Variants in LOXHD1 observed in about 807,000 individuals in gnomAD.
The protein encoded by LOXHD1 is lipoxygenase homology PLAT domains 1, also known as lipoxygenase homology domain-containing protein 1.
In LOXHD1, 205 loss-of-function variants were observed where a neutral mutation model predicts 248.2. The observed-to-expected ratio is 0.83, with a 90% CI of 0.74 to 0.93. LOXHD1 has a LOEUF of 0.93. Ranked by LOEUF, LOXHD1 falls within the 40% of genes least tolerant of loss-of-function variation. LOXHD1 has a pLI of 0.00. For synonymous variants in LOXHD1, 1,113 were observed against 1,162.8 expected, an observed-to-expected ratio of 0.96 and a Z score of 0.87; for missense variants, 2,930 against 2,971.6, an observed-to-expected ratio of 0.99 and a Z score of 0.33.
At chr18:46,593,504 G>C in intron 10 of LOXHD1, 96 bp downstream of exon 10, 1 of 1,379,882 alleles carries the variant, frequency 7.2e-7, no homozygotes. Flanking sequence ...CTTCAAACTT[G>C]GTCCAAAACC....
intron 4 of LOXHD1, among the ~76,000 whole-genome samples, chr18:46,621,341 C>A (rs2038665916): frequency 6.6e-6 from 1 of 152,202 alleles, no homozygotes; most frequent in African/African-American, 2.4e-5. Context: ...TACTCTTTTA[C>A]CTCCTTTATT....
At chr18:46,547,597 TG>T (rs1436708096) in intron 21 of LOXHD1, among the ~76,000 whole-genome samples, 1 of 152,078 alleles carries the variant, frequency 6.6e-6, no homozygotes, top group African/African-American at 2.4e-5. Flanking sequence ...CCCCTCAGCA[TG>T]GAGGTAACAC....
intron 5 of LOXHD1, among the ~76,000 whole-genome samples, chr18:46,615,309 T>C (rs1247126558): frequency 1.3e-5 from 2 of 152,208 alleles, no homozygotes; most frequent in Non-Finnish European, 2.9e-5. Context: ...GTCTGCAGTC[T>C]TGCCCTGCAA....
Position 46,483,706 on chromosome 18 carries a change from C to G in LOXHD1, c.6222G>C (p.Leu2074Phe). ...TDTFEFDSIY[L>F]GDIASLCVGH... The stretch of plus-strand genomic sequence containing the variant: ...CCACACAGAGGGAGGCAATGTCCCC[C>G]AAGTAGATGCTGTCAAACTCAAACG... Residue 2074 changes from leucine to phenylalanine, a missense_variant, in exon 40 of 41, where the codon TTG becomes TTC. Transcript: ENST00000642948. 6.4e-7 allele frequency: 1 copy of G among 1,551,764 alleles called. No homozygotes were observed. Among genetic ancestry groups the G allele is most frequent in the South Asian group, 1.2e-5 (1 of 84,034 alleles).
chr18:46,649,080 G>A (rs2039073132), intron 2 of LOXHD1, 75 bp downstream of exon 2: 1 of 1,248,168 alleles, frequency 8.0e-7, no homozygotes. Flanking sequence ...AGAGAAGCAG[G>A]CCACCCTTGG....
chr18:46,630,544 A>C (rs2038806754), intron 4 of LOXHD1, among the ~76,000 whole-genome samples: 1 of 152,222 alleles, frequency 6.6e-6, no homozygotes, highest in Admixed American at 6.5e-5. Context: ...TGGAGAGCAC[A>C]CGCCATCTTA....
At position 46,524,519 on chromosome 18, in the gene LOXHD1, A is replaced by C; in HGVS notation, c.4823T>G (p.Val1608Gly). 5 of 1,551,708 alleles carry C rather than the reference A, an allele frequency of 3.2e-6. No individual in the cohort carries two copies. The highest frequency in any genetic ancestry group is 2.6e-6 in the Non-Finnish European group (3 of 1,146,994). Residue 1608 changes from valine to glycine, a missense_variant, in exon 31 of 41, where the codon GTC becomes GGC. Val to Gly is a moderately radical substitution (Grantham distance 109, BLOSUM62 -3). Transcript: ENST00000642948. Reference protein sequence around the residue: ...EIALSSKMADVDISTVTGPMA... With the variant: ...EIALSSKMADGDISTVTGPMA... ...GGGCCCGGTCACTGTGCTGATGTCGACATCGGCCATCTTGGAGCTCAGGGC... is the reference window on the plus strand; with the variant it reads ...GGGCCCGGTCACTGTGCTGATGTCGCCATCGGCCATCTTGGAGCTCAGGGC...
intron 37 of LOXHD1, among the ~76,000 whole-genome samples, chr18:46,503,596 G>A (rs908819478): frequency 1.3e-5 from 2 of 152,170 alleles, no homozygotes; most frequent in African/African-American, 2.4e-5. Context: ...ATGATGAGAT[G>A]GAGGGAAAGA....
chr18:46,538,936 G>A (rs1048302387), intron 25 of LOXHD1, among the ~76,000 whole-genome samples: 20 of 152,132 alleles, frequency 1.3e-4, no homozygotes, highest in Non-Finnish European at 2.1e-4. Flanking sequence ...TTCAGGTTCC[G>A]TCACATTACA....
Position 46,542,312 on chromosome 18 carries a change from C to A in LOXHD1, c.3749-372G>T, listed in dbSNP as rs1459967840. On this transcript the variant is annotated intron_variant, in intron 24 of 40. Coordinates refer to ENST00000642948, the MANE Select transcript of LOXHD1 (RefSeq NM_001384474.1). The stretch of plus-strand genomic sequence containing the variant: ...CAGGAAGAGCCTGTGTTTACAAAAG[C>A]TTTATAATCTTACCCAATGATAGGA... 2.0e-5 allele frequency among the ~76,000 whole-genome samples: 3 copies of A among 152,118 alleles called. No homozygotes were observed. The East Asian group carries it at 5.8e-4, about 29-fold the overall frequency.
intron 26 of LOXHD1, among the ~76,000 whole-genome samples, chr18:46,536,296 G>C (rs911370368): frequency 6.6e-6 from 1 of 152,088 alleles, no homozygotes; most frequent in African/African-American, 2.4e-5. Context: ...GAGAGGAAGC[G>C]GCTTCCTCCT....
intron 4 of LOXHD1, among the ~76,000 whole-genome samples, chr18:46,623,805 A>T (rs2038701393): frequency 6.6e-6 from 1 of 152,204 alleles, no homozygotes; most frequent in African/African-American, 2.4e-5. Context: ...CACAGCAGTG[A>T]CAGAACACAT....
intron 5 of LOXHD1, among the ~76,000 whole-genome samples, chr18:46,617,583 C>A (rs949220924): frequency 7.0e-6 from 1 of 143,674 alleles, no homozygotes. Flanking sequence ...ATTTTGAATT[C>A]TTTAGTATAT....
At chr18:46,508,264 A>G (rs1418842243) in intron 35 of LOXHD1, among the ~76,000 whole-genome samples, 1 of 152,150 alleles carries the variant, frequency 6.6e-6, no homozygotes, top group Non-Finnish European at 1.5e-5. Context: ...GTGGAACTGT[A>G]TTCCCCCAGA....
intron 12 of LOXHD1, among the ~76,000 whole-genome samples, chr18:46,581,395 A>G (rs72913450): frequency 0.072 from 10,963 of 152,234 alleles, 508 homozygotes; most frequent in Non-Finnish European, 0.11. Flanking sequence ...AGAGTTGCCA[A>G]TAAGGAGTAG....
intron 4 of LOXHD1, among the ~76,000 whole-genome samples, chr18:46,622,350 A>G (rs566142114): frequency 9.7e-4 from 148 of 152,354 alleles, no homozygotes; most frequent in Middle Eastern, 6.8e-3. Flanking sequence ...TGTGAATTTC[A>G]TATAATTTTT....
chr18:46,559,741 T>G, intron 19 of LOXHD1, 139 bp from the exon 20 acceptor site: 1 of 1,000,922 alleles, frequency 1.0e-6, no homozygotes, highest in South Asian at 1.7e-5. Flanking sequence ...GGACTGAAAC[T>G]GCCCACACTC....
rs1386847114 is a variant in LOXHD1 at position 46,639,706 on chromosome 18, T to G, written c.421A>C (p.Asn141His). Residue 141 changes from asparagine to histidine, a missense_variant, in exon 4 of 41, where the codon AAC (asparagine) becomes CAC (histidine). Coordinates refer to ENST00000642948, the MANE Select transcript of LOXHD1 (RefSeq NM_001384474.1). ...ACCTTGCTCAGCCAGTTGTTGCAGT[T>G]GAAGTAGTAACGGAGATGAGGCCTC... The part of the protein sequence containing the change: ...MKRPHLRYYF[N>H]CNNWLSKVEG... The G allele has an allele frequency of 6.4e-7, 1 of 1,551,604 alleles. No homozygotes were observed. Among genetic ancestry groups the G allele is most frequent in the East Asian group, 2.4e-5 (1 of 40,926 alleles).
chr18:46,484,946 C>A, intron 39 of LOXHD1, 73 bp downstream of exon 39: 1 of 1,519,448 alleles, frequency 6.6e-7, no homozygotes, highest in Non-Finnish European at 8.9e-7. Flanking sequence ...GGCTCCCACC[C>A]AAGAGGGAGA....
Sources: gnomAD v4.1 joint callset for allele counts (sites outside exome capture counted in the v4.1 genomes callset) on GRCh38, gnomAD v4.1.1 for gene constraint, MANE v1.5 for transcripts, NCBI Gene and HGNC (gene_info 2026-07-23, HGNC 2026-07-21) for gene names.